The following SRD5A1 variants were observed in gnomAD, a reference collection of about 807,000 sequenced individuals.
SRD5A1 encodes the protein steroid 5 alpha-reductase 1.
In SRD5A1, 22 loss-of-function variants were observed where a neutral mutation model predicts 28.2. The ratio of observed to expected loss-of-function variants is 0.78; its 90% CI spans 0.56 to 1.12. SRD5A1 has a LOEUF of 1.12. Ranked by LOEUF, SRD5A1 falls within the 50% of genes most tolerant of loss-of-function variation. SRD5A1 has a pLI of 0.00. For missense variants in SRD5A1, 300 were observed against 346.7 expected, an observed-to-expected ratio of 0.87 and a Z score of 1.07; for synonymous variants, 151 against 135.0, an observed-to-expected ratio of 1.12 and a Z score of -0.82.
intron 1 of SRD5A1, among the ~76,000 whole-genome samples, chr5:6,646,604 G>C (rs1354617463): frequency 6.6e-6 from 1 of 152,154 alleles, no homozygotes; most frequent in Non-Finnish European, 1.5e-5. Flanking sequence ...TTGTATTTCT[G>C]TGGGACCGGT....
At chr5:6,654,046 A>C (rs1036424781) in intron 2 of SRD5A1, among the ~76,000 whole-genome samples, 55 of 148,108 alleles carry the variant, frequency 3.7e-4, no homozygotes, top group Middle Eastern at 6.8e-3. Context: ...AGTAATAAGC[A>C]AATAATAATA....
intron 1 of SRD5A1, among the ~76,000 whole-genome samples, chr5:6,649,599 G>A (rs1012073075): frequency 7.9e-5 from 12 of 152,202 alleles, no homozygotes; most frequent in African/African-American, 2.4e-4. Flanking sequence ...TGCTGGTTGC[G>A]AAGACTATGA....
At chr5:6,639,066 A>C (rs494958) in intron 1 of SRD5A1, among the ~76,000 whole-genome samples, 1 of 152,098 alleles carries the variant, frequency 6.6e-6, no homozygotes, top group African/African-American at 2.4e-5. Context: ...TGACGTCCAG[A>C]CGCTTTGAGA....
At chr5:6,662,517 TC>T (rs1218272035) in intron 3 of SRD5A1, among the ~76,000 whole-genome samples, 3 of 152,232 alleles carry the variant, frequency 2.0e-5, no homozygotes, top group African/African-American at 7.2e-5. Context: ...TACTCTGTAT[TC>T]TCTGCTTGCA....
chr5:6,639,969 C>G (rs1438318332), intron 1 of SRD5A1, among the ~76,000 whole-genome samples: 3 of 152,206 alleles, frequency 2.0e-5, no homozygotes, highest in African/African-American at 7.2e-5. Context: ...TACACACATA[C>G]ACATACAACA....
intron 4 of SRD5A1, among the ~76,000 whole-genome samples, 170 bp downstream of exon 4, chr5:6,663,136 G>A (rs1184280435): frequency 3.3e-5 from 5 of 152,120 alleles, no homozygotes; most frequent in Non-Finnish European, 5.9e-5. Flanking sequence ...CCAGCTCTAG[G>A]GAATAATCAG....
intron 1 of SRD5A1, among the ~76,000 whole-genome samples, chr5:6,642,180 G>A (rs1738381701): frequency 6.6e-6 from 1 of 151,518 alleles, no homozygotes; most frequent in Admixed American, 6.6e-5. Context: ...CAAAGTTAGT[G>A]TTTCCTATTA....
intron 1 of SRD5A1, among the ~76,000 whole-genome samples, chr5:6,648,421 A>G (rs1375098881): frequency 2.0e-5 from 3 of 152,202 alleles, no homozygotes; most frequent in Non-Finnish European, 2.9e-5. Context: ...ACAAGAGTCA[A>G]ACGTAGATTT....
chr5:6,667,471 G>A (rs1000674870), intron 4 of SRD5A1, among the ~76,000 whole-genome samples: 1 of 152,094 alleles, frequency 6.6e-6, no homozygotes, highest in Non-Finnish European at 1.5e-5. Flanking sequence ...TTTCTATCAT[G>A]ATTTTTAGTC....
rs948985814 is a variant in SRD5A1 at position 6,672,038 on chromosome 5, G to C, written c.*3770G>C. ...AAATAATTGATGTTGTGAGTTGGGC[G>C]GGACTTTAGGGACTATGCTGAACAA... On this transcript the variant is annotated 3_prime_UTR_variant, in exon 5 of 5. Transcript: ENST00000274192. The C allele has an allele frequency of 2.6e-5, 4 of 152,238 alleles. No homozygotes were observed. The East Asian group carries it at 7.7e-4, about 29-fold the overall frequency. The allele number at this position is 152,238 out of a possible 1,614,324, so 9.4% of individuals were successfully genotyped here.
At chr5:6,648,316 T>A (rs988368873) in intron 1 of SRD5A1, among the ~76,000 whole-genome samples, 1 of 152,236 alleles carries the variant, frequency 6.6e-6, no homozygotes. Context: ...TGAATTTGAA[T>A]GTTGGCCTGC....
rs551220907 is a variant in SRD5A1, at chr5:6,634,975, C to A, written c.293+1106C>A. 3.3e-5 allele frequency among the ~76,000 whole-genome samples: 5 copies of A among 152,358 alleles called. No homozygotes were observed. The South Asian group carries it at 1.0e-3, about 32-fold the overall frequency. On this transcript the variant is annotated intron_variant, in intron 1 of 4. Coordinates refer to ENST00000274192, the MANE Select transcript of SRD5A1 (RefSeq NM_001047.4). ...AACTCACTGGCTGTGTGACTATGGGCAGTTTACCCAACCTTTCTGATTTGG... is the reference window on the plus strand; with the variant it reads ...AACTCACTGGCTGTGTGACTATGGGAAGTTTACCCAACCTTTCTGATTTGG...
intron 1 of SRD5A1, among the ~76,000 whole-genome samples, chr5:6,642,825 G>A (rs567996287): frequency 3.9e-5 from 6 of 152,286 alleles, no homozygotes; most frequent in South Asian, 2.1e-4. Context: ...CATCAAACTG[G>A]TGTATTTATG....
chr5:6,655,068 A>G (rs8192198), intron 2 of SRD5A1, among the ~76,000 whole-genome samples: 2,109 of 152,348 alleles, frequency 0.014, 25 homozygotes, highest in Middle Eastern at 0.024. Context: ...GAAGGAAGAA[A>G]TCTTGAAACC....
chr5:6,666,301 C>T (rs1258983644), intron 4 of SRD5A1, among the ~76,000 whole-genome samples: 1 of 152,108 alleles, frequency 6.6e-6, no homozygotes. Context: ...GTGCCCGCCA[C>T]CATGCCCGGC....
At chr5:6,634,638 C>G (rs989407591) in intron 1 of SRD5A1, among the ~76,000 whole-genome samples, 3 of 152,216 alleles carry the variant, frequency 2.0e-5, no homozygotes, top group African/African-American at 7.2e-5. Context: ...ACTTTCATGT[C>G]CACCTTATGC....
At chr5:6,634,259 G>A (rs889284915) in intron 1 of SRD5A1, among the ~76,000 whole-genome samples, 1 of 152,198 alleles carries the variant, frequency 6.6e-6, no homozygotes, top group Non-Finnish European at 1.5e-5. Flanking sequence ...CCCGAGAGGC[G>A]GAGGTTACAG....
chr5:6,674,137 C>T lies in SRD5A1; in HGVS notation c.*5869C>T, dbSNP rs1339702871. The stretch of plus-strand genomic sequence containing the variant: ...TATTTAATTAAAATGATTTATTTTA[C>T]TTATTTTCATTATTATCTAAAATGT... On this transcript the variant is annotated 3_prime_UTR_variant, in exon 5 of 5. Coordinates refer to ENST00000274192, the MANE Select transcript of SRD5A1 (RefSeq NM_001047.4). The T allele has an allele frequency of 6.6e-6, 1 of 151,512 alleles. No homozygotes were observed. Among genetic ancestry groups the T allele is most frequent in the African/African-American group, 2.4e-5 (1 of 41,308 alleles). 9.4% of individuals were successfully genotyped at this position (151,512 alleles called of 1,614,324 possible).
chr5:6,647,818 A>G (rs1358483038), intron 1 of SRD5A1, among the ~76,000 whole-genome samples: 1 of 152,152 alleles, frequency 6.6e-6, no homozygotes, highest in Non-Finnish European at 1.5e-5. Context: ...TTATGATGCT[A>G]GCTGGTTATT....
Sources: gnomAD v4.1 joint callset for allele counts (sites outside exome capture counted in the v4.1 genomes callset) on GRCh38, gnomAD v4.1.1 for gene constraint, MANE v1.5 for transcripts, NCBI Gene and HGNC (gene_info 2026-07-23, HGNC 2026-07-21) for gene names.